MSRA: variants seen among roughly 807,000 people sequenced by gnomAD.
The protein encoded by MSRA is methionine sulfoxide reductase A.
MSRA carries 54 observed loss-of-function variants against 31.3 expected under a neutral mutation model. That is an observed-to-expected ratio of 1.73 (90% CI 1.39 to 2.17). The LOEUF (loss-of-function observed/expected upper bound fraction) is 2.17, where lower values mean the gene tolerates loss of function less well. Ranked by LOEUF, MSRA falls within the 30% of genes most tolerant of loss-of-function variation. The probability of loss-of-function intolerance (pLI) is 0.00; values close to 1 mark genes in which losing one functional copy is unlikely to be tolerated. For synonymous variants in MSRA, 169 were observed against 116.5 expected, an observed-to-expected ratio of 1.45 and a Z score of -2.90; for missense variants, 507 against 300.9, an observed-to-expected ratio of 1.69 and a Z score of -5.07.
intron 3 of MSRA, among the ~76,000 whole-genome samples, chr8:10,295,352 C>T (rs977842927): frequency 3.9e-5 from 6 of 152,118 alleles, no homozygotes; most frequent in Non-Finnish European, 7.4e-5. Flanking sequence ...TTTCTTGTCC[C>T]CACGAAGCCT....
rs140926154 is a variant in MSRA, at chr8:10,095,023, C to G, written c.142+40365C>G. On this transcript the variant is annotated intron_variant, in intron 1 of 5. Coordinates refer to ENST00000317173, the MANE Select transcript of MSRA (RefSeq NM_012331.5). ...CTTAAAAATAAAGTTGCAGATCAAT[C>G]AAAACTATATTCATTCTCCATAGGA... Among the ~76,000 whole-genome samples, 131 of 152,308 alleles carry G rather than the reference C, an allele frequency of 8.6e-4. 1 individual carries two copies. Among genetic ancestry groups the G allele is most frequent in the African/African-American group, 3.0e-3 (123 of 41,558 alleles).
At chr8:10,171,460 C>G (rs1171038548) in intron 1 of MSRA, among the ~76,000 whole-genome samples, 1 of 151,366 alleles carries the variant, frequency 6.6e-6, no homozygotes, top group Non-Finnish European at 1.5e-5. Context: ...AAATTTTCAC[C>G]TTTTAGTTTC....
At chr8:10,376,056 C>T (rs1429805072) in intron 5 of MSRA, among the ~76,000 whole-genome samples, 1 of 152,178 alleles carries the variant, frequency 6.6e-6, no homozygotes, top group Non-Finnish European at 1.5e-5. Context: ...AAGATTGCGT[C>T]TTCGTGCAGC....
At chr8:10,207,546 C>G (rs1484832275) in intron 1 of MSRA, among the ~76,000 whole-genome samples, 1 of 152,124 alleles carries the variant, frequency 6.6e-6, no homozygotes, top group Non-Finnish European at 1.5e-5. Flanking sequence ...GGCTGGGTGT[C>G]GGGAGCCTTC....
At chr8:10,067,162 A>G (rs192857066) in intron 1 of MSRA, among the ~76,000 whole-genome samples, 189 of 152,228 alleles carry the variant, frequency 1.2e-3, no homozygotes, top group African/African-American at 4.4e-3. Context: ...TCTGTGCTTT[A>G]CCTATTTGTC....
At chr8:10,303,687 T>C (rs990816008) in intron 4 of MSRA, among the ~76,000 whole-genome samples, 1 of 152,150 alleles carries the variant, frequency 6.6e-6, no homozygotes, top group Admixed American at 6.5e-5. Flanking sequence ...TCTCTTTCCA[T>C]AGGTCAGTGG....
chr8:10,180,090 G>A (rs1376322325), intron 1 of MSRA, among the ~76,000 whole-genome samples: 1 of 152,134 alleles, frequency 6.6e-6, no homozygotes, highest in African/African-American at 2.4e-5. Context: ...CTTCAAGGCT[G>A]CCCCCAACTT....
At chr8:10,328,017 C>A (rs1802468266) in intron 5 of MSRA, among the ~76,000 whole-genome samples, 1 of 136,594 alleles carries the variant, frequency 7.3e-6, no homozygotes, top group Admixed American at 7.5e-5. Flanking sequence ...TGAATACCAT[C>A]TCTATGGTAA....
chr8:10,409,695 G>A (rs1382030963), intron 5 of MSRA, among the ~76,000 whole-genome samples: 1 of 152,214 alleles, frequency 6.6e-6, no homozygotes, highest in East Asian at 1.9e-4. Flanking sequence ...CCACCAACAT[G>A]CACGTGCTTG....
At chr8:10,107,012 C>T (rs1026743004) in intron 1 of MSRA, among the ~76,000 whole-genome samples, 20 of 152,130 alleles carry the variant, frequency 1.3e-4, no homozygotes. Context: ...TTCATTTAGT[C>T]TCTGAGTCCC....
intron 5 of MSRA, among the ~76,000 whole-genome samples, chr8:10,424,903 C>T (rs1354840869): frequency 6.6e-6 from 1 of 152,204 alleles, no homozygotes; most frequent in Non-Finnish European, 1.5e-5. Context: ...CGGGGCCCAC[C>T]CCGGGGGACA....
intron 1 of MSRA, among the ~76,000 whole-genome samples, chr8:10,176,068 A>G (rs1806023748): frequency 6.6e-6 from 1 of 152,210 alleles, no homozygotes; most frequent in Non-Finnish European, 1.5e-5. Context: ...TCTGTTGCTG[A>G]TAGCCCAGAT....
intron 1 of MSRA, among the ~76,000 whole-genome samples, chr8:10,197,235 A>G (rs934153605): frequency 6.6e-6 from 1 of 152,238 alleles, no homozygotes; most frequent in Non-Finnish European, 1.5e-5. Flanking sequence ...ATTTCCATCA[A>G]TTAATGTAAT....
chr8:10,283,836 T>TATACACACACACACACACACAC (rs1261287031), intron 3 of MSRA, among the ~76,000 whole-genome samples: 3 of 53,162 alleles, frequency 5.6e-5, no homozygotes, highest in Non-Finnish European at 3.2e-5. Flanking sequence ...TATATATATA[T>TATACACACACACACACACACAC]ACACACACAC....
chr8:10,288,479 C>T (rs1183805493), intron 3 of MSRA, among the ~76,000 whole-genome samples: 1 of 152,150 alleles, frequency 6.6e-6, no homozygotes, highest in Non-Finnish European at 1.5e-5. Context: ...TTATAAAGTT[C>T]TTAAGCCTCA....
chr8:10,132,395 A>G (rs1045941110), intron 1 of MSRA, among the ~76,000 whole-genome samples: 2 of 152,196 alleles, frequency 1.3e-5, no homozygotes, highest in Non-Finnish European at 2.9e-5. Flanking sequence ...GGGTCTGGTT[A>G]CCATGGATCT....
chr8:10,166,905 C>G (rs982170684), intron 1 of MSRA, among the ~76,000 whole-genome samples: 3 of 152,150 alleles, frequency 2.0e-5, no homozygotes, highest in Non-Finnish European at 2.9e-5. Context: ...AAATCAGGCC[C>G]TCTGCTCGGG....
At chr8:10,056,209 A>AC (rs201067089) in intron 1 of MSRA, among the ~76,000 whole-genome samples, 10,342 of 113,052 alleles carry the variant, frequency 0.091, 518 homozygotes, top group Admixed American at 0.19. Context: ...AAAAAAAAAA[A>AC]AAAAAAAAAA....
chr8:10,225,070 GA>G (rs1214880029), intron 2 of MSRA, among the ~76,000 whole-genome samples: 12 of 152,338 alleles, frequency 7.9e-5, no homozygotes, highest in African/African-American at 2.9e-4. Context: ...CCCAGAGGCA[GA>G]GGTTGCAATG....
Sources: gnomAD v4.1 joint callset for allele counts (sites outside exome capture counted in the v4.1 genomes callset) on GRCh38, gnomAD v4.1.1 for gene constraint, MANE v1.5 for transcripts, NCBI Gene and HGNC (gene_info 2026-07-23, HGNC 2026-07-21) for gene names.